The following ADCY5 variants were observed in gnomAD, a reference collection of about 807,000 sequenced individuals.
ADCY5 encodes adenylate cyclase type 5.
ADCY5 carries 30 observed loss-of-function variants against 119.7 expected under a neutral mutation model. The ratio of observed to expected loss-of-function variants is 0.25; its 90% CI spans 0.19 to 0.34. ADCY5 has a LOEUF of 0.34. Ranked by LOEUF, ADCY5 falls within the 10% of genes least tolerant of loss-of-function variation. ADCY5 has a pLI of 1.00. For synonymous variants in ADCY5, 753 were observed against 762.2 expected (o/e 0.99, Z 0.20); for missense variants, 1,324 against 1,775.2 (o/e 0.75, Z 4.57).
At chr3:123,359,331 AATATATATAT>A (rs57105101) in intron 1 of ADCY5, among the ~76,000 whole-genome samples, 35,861 of 109,734 alleles carry the variant, frequency 0.33, 7,368 homozygotes, top group Non-Finnish European at 0.43. Context: ...CTTATACTAA[AATATATATAT>A]ATATATATAT....
chr3:123,325,289 T>A (rs1466850268), intron 8 of ADCY5, 33 bp downstream of exon 8: 1 of 1,612,304 alleles, frequency 6.2e-7, no homozygotes. Context: ...CCTTGGAGAG[T>A]GTTGCCCACA....
At chr3:123,434,861 T>C (rs1314498230) in intron 1 of ADCY5, among the ~76,000 whole-genome samples, 2 of 152,058 alleles carry the variant, frequency 1.3e-5, no homozygotes, top group East Asian at 1.9e-4. Context: ...TAACAGACCA[T>C]GCAGGATGAC....
chr3:123,316,379 G>A (rs1940912635), intron 11 of ADCY5, among the ~76,000 whole-genome samples: 1 of 152,160 alleles, frequency 6.6e-6, no homozygotes, highest in Non-Finnish European at 1.5e-5. Flanking sequence ...CTGGCTCCGG[G>A]AACACAAACT....
intron 1 of ADCY5, among the ~76,000 whole-genome samples, chr3:123,439,299 T>A (rs908748802): frequency 6.6e-6 from 1 of 150,662 alleles, no homozygotes; most frequent in African/African-American, 2.5e-5. Flanking sequence ...CCTGACCTCA[T>A]GATCCGCCTG....
At chr3:123,412,393 T>G (rs939817527) in intron 1 of ADCY5, among the ~76,000 whole-genome samples, 6 of 152,156 alleles carry the variant, frequency 3.9e-5, no homozygotes, top group African/African-American at 1.4e-4. Flanking sequence ...CAACTCTGAA[T>G]AGATGCCAGA....
At chr3:123,430,964 C>T (rs902676808) in intron 1 of ADCY5, among the ~76,000 whole-genome samples, 2 of 152,170 alleles carry the variant, frequency 1.3e-5, no homozygotes, top group Non-Finnish European at 2.9e-5. Flanking sequence ...GGTACAAGCC[C>T]CATCCTTTCC....
intron 1 of ADCY5, among the ~76,000 whole-genome samples, chr3:123,444,560 C>G (rs994353041): frequency 6.6e-6 from 1 of 152,122 alleles, no homozygotes; most frequent in African/African-American, 2.4e-5. Flanking sequence ...CACCTTGTGT[C>G]CTGTTCCTCC....
At chr3:123,383,398 G>A (rs1336915497) in intron 1 of ADCY5, among the ~76,000 whole-genome samples, 1 of 152,214 alleles carries the variant, frequency 6.6e-6, no homozygotes, top group East Asian at 1.9e-4. Flanking sequence ...AGGCAAGCGC[G>A]AAGGCCCACT....
rs192409907 is a variant in ADCY5 at position 123,375,875 on chromosome 3, C to A, written c.1135-23294G>T. On this transcript the variant is annotated intron_variant, in intron 1 of 20. Transcript: ENST00000462833. ...ATGTCAGTATGTCTGTCCTACTATT[C>A]TAGTGATTCTTAGGTACGCACTGTG... Among the ~76,000 whole-genome samples the A allele has an allele frequency of 2.6e-3, 398 of 152,220 alleles. 6 individuals are homozygous for A. Among genetic ancestry groups the A allele is most frequent in the Non-Finnish European group, 5.3e-4 (36 of 68,006 alleles).
chr3:123,296,696 C>A (rs1344321687), intron 16 of ADCY5, among the ~76,000 whole-genome samples: 2 of 144,654 alleles, frequency 1.4e-5, no homozygotes, highest in African/African-American at 5.3e-5. Flanking sequence ...ACAATAGCCA[C>A]ATTTCAAGAT....
chr3:123,394,134 A>G (rs1334550274), intron 1 of ADCY5, among the ~76,000 whole-genome samples: 1 of 152,238 alleles, frequency 6.6e-6, no homozygotes. Context: ...TATCTCAAAA[A>G]AAAAAAGTTA....
chr3:123,424,413 C>A (rs1333032016), intron 1 of ADCY5, among the ~76,000 whole-genome samples: 1 of 152,168 alleles, frequency 6.6e-6, no homozygotes, highest in Non-Finnish European at 1.5e-5. Context: ...GGGGCCTCCC[C>A]AGGGGGAAGG....
chr3:123,331,117 T>C, intron 4 of ADCY5, 101 bp from the exon 5 acceptor site: 1 of 1,383,792 alleles, frequency 7.2e-7, no homozygotes, highest in South Asian at 1.4e-5. Flanking sequence ...CTGGAATAAC[T>C]TGCCTTTTAG....
At chr3:123,342,002 G>C (rs1942308052) in intron 3 of ADCY5, among the ~76,000 whole-genome samples, 1 of 152,116 alleles carries the variant, frequency 6.6e-6, no homozygotes, top group African/African-American at 2.4e-5. Flanking sequence ...TTGGCTCGCT[G>C]TAACCTCAGG....
intron 3 of ADCY5, among the ~76,000 whole-genome samples, chr3:123,344,000 G>A (rs1262793577): frequency 7.2e-5 from 11 of 152,218 alleles, no homozygotes; most frequent in Admixed American, 6.5e-4. Flanking sequence ...ACATCCTACA[G>A]GCTCCTTGGC....
At chr3:123,430,616 T>C (rs571876845) in intron 1 of ADCY5, among the ~76,000 whole-genome samples, 6 of 152,284 alleles carry the variant, frequency 3.9e-5, no homozygotes, top group African/African-American at 1.4e-4. Flanking sequence ...TATTCCACTT[T>C]AAAAATAAGT....
chr3:123,327,731 T>C lies in ADCY5; in HGVS notation c.1834A>G (p.Asn612Asp). 6.2e-7 allele frequency: 1 copy of C among 1,613,992 alleles called. No homozygotes were observed. Among genetic ancestry groups the C allele is most frequent in the Non-Finnish European group, 8.5e-7 (1 of 1,179,976 alleles). Residue 612 changes from asparagine to aspartate, a missense_variant, in exon 7 of 21, where the codon AAC (asparagine) becomes GAC (aspartate). Coordinates refer to ENST00000462833, the MANE Select transcript of ADCY5 (RefSeq NM_183357.3). ...ACCTCGTAGTCCCCATTCAGGTAGT[T>C]GAGTGTAGCCTTGGTGATGTGGATG... ...GRIHITKATL[N>D]YLNGDYEVEP...
At chr3:123,420,227 C>T (rs1422438819) in intron 1 of ADCY5, 6 of 152,294 alleles carry the variant, frequency 3.9e-5, no homozygotes, top group Non-Finnish European at 7.3e-5. Context: ...CATGAGGCCA[C>T]AGCAGCTTAA....
At chr3:123,296,342 C>T in intron 16 of ADCY5, 126 bp from the exon 17 acceptor site, 1 of 1,149,624 alleles carries the variant, frequency 8.7e-7, no homozygotes, top group Non-Finnish European at 1.2e-6. Context: ...TCTTCCTTAT[C>T]CCCCTGCTCA....
Sources: gnomAD v4.1 joint callset for allele counts (sites outside exome capture counted in the v4.1 genomes callset) on GRCh38, gnomAD v4.1.1 for gene constraint, MANE v1.5 for transcripts, NCBI Gene and HGNC (gene_info 2026-07-23, HGNC 2026-07-21) for gene names.